Variants in ZSWIM4 observed in about 807,000 individuals in gnomAD.
ZSWIM4 encodes the protein zinc finger SWIM-type containing 4, also known as zinc finger SWIM domain-containing protein 4.
In ZSWIM4, 62 loss-of-function variants were observed where a neutral mutation model predicts 102.5. The observed-to-expected ratio is 0.60, with a 90% CI of 0.49 to 0.75. The LOEUF (loss-of-function observed/expected upper bound fraction) is 0.75. Among genes scored for constraint, ZSWIM4 ranks in the 30% least tolerant of loss-of-function variants. ZSWIM4 has a pLI of 0.00. For missense variants in ZSWIM4, 1,280 were observed against 1,529.6 expected (o/e 0.84, Z 2.72); for synonymous variants, 652 against 674.5 (o/e 0.97, Z 0.52).
At position 13,814,482 on chromosome 19, in the gene ZSWIM4, C is replaced by G. The variant is rs752553964; in HGVS notation, c.1181-33C>G. The G allele has an allele frequency of 4.5e-6, 5 of 1,117,128 alleles. 1 individual carries two copies. In the South Asian group the frequency reaches 7.3e-5, roughly 16 times the overall value. The allele number at this position is 1,117,128 out of a possible 1,614,324, so 69.2% of individuals were successfully genotyped here. A position where few individuals can be genotyped will look rare whatever the true frequency, so the allele number is the denominator to read the frequency against. ...CGGCTCAACTGCTATAGGGACCCCCCCTCACTGAGCCATGTTGGGTGCCTC... is the reference window on the plus strand; with the variant it reads ...CGGCTCAACTGCTATAGGGACCCCCGCTCACTGAGCCATGTTGGGTGCCTC... On this transcript the variant is annotated intron_variant, in intron 6 of 13. Transcript: ENST00000590508.
chr19:13,800,361 G>C (rs1399692575), intron 2 of ZSWIM4, among the ~76,000 whole-genome samples: 1 of 138,180 alleles, frequency 7.2e-6, no homozygotes, highest in African/African-American at 2.8e-5. Context: ...CGCCTCCCGG[G>C]TTCACGCCAT....
In ZSWIM4 at chr19:13,831,221, T is replaced by A; in HGVS notation, c.*171T>A. ...TGCCACGTGTGTGCCTGGGAGTCTGTGAGCAAGTGTGCAAGACTCCAGAAG... is the reference window on the plus strand; with the variant it reads ...TGCCACGTGTGTGCCTGGGAGTCTGAGAGCAAGTGTGCAAGACTCCAGAAG... On this transcript the variant is annotated 3_prime_UTR_variant, in exon 14 of 14. Transcript: ENST00000590508. 2.4e-6 allele frequency: 2 copies of A among 823,424 alleles called. No individual in the cohort carries two copies. The highest frequency in any genetic ancestry group is 1.7e-5 in the African/African-American group (1 of 57,804). The allele number at this position is 823,424 out of a possible 1,614,324, so 51.0% of individuals were successfully genotyped here.
chr19:13,796,253 G>T (rs921216010), intron 1 of ZSWIM4, among the ~76,000 whole-genome samples: 2 of 138,794 alleles, frequency 1.4e-5, no homozygotes, highest in Non-Finnish European at 3.0e-5. Flanking sequence ...ATCTTTATTC[G>T]CCAATCAGGG....
chr19:13,822,139 A>G (rs192593633), intron 10 of ZSWIM4, among the ~76,000 whole-genome samples: 117 of 144,778 alleles, frequency 8.1e-4, no homozygotes, highest in African/African-American at 2.8e-3. Context: ...CCATCTCTTT[A>G]AAACACACAA....
At position 13,795,810 on chromosome 19, in the gene ZSWIM4, G is replaced by A; in HGVS notation, c.153+9G>A. 8.0e-7 allele frequency: 1 copy of A among 1,245,032 alleles called. No individual in the cohort carries two copies. Among genetic ancestry groups the A allele is most frequent in the African/African-American group, 1.5e-5 (1 of 65,182 alleles). The allele number at this position is 1,245,032 out of a possible 1,614,324, so 77.1% of individuals were successfully genotyped here. ...GCTGGGCCTTCGAGCAGGTGACCGC[G>A]GGGGAAGGGGGCGGGGGCAGGGACG... On this transcript the variant is annotated intron_variant, in intron 1 of 13. Transcript: ENST00000590508.
In ZSWIM4 at chr19:13,822,967, G is replaced by A. The variant is rs1164102636; in HGVS notation, c.2061-379G>A. ...GCACGCCAGCCTGGGCAAAAAGAGT[G>A]AAACTCCGTCTCAAAAAAAAAAAAA... is the stretch of plus-strand genomic sequence containing the variant. On this transcript the variant is annotated intron_variant, in intron 10 of 13. Coordinates refer to ENST00000590508, the MANE Select transcript of ZSWIM4 (RefSeq NM_001367834.3). Among the ~76,000 whole-genome samples the A allele has an allele frequency of 1.2e-4, 18 of 148,190 alleles. No individual in the cohort carries two copies. The East Asian group carries it at 3.0e-3, about 24-fold the overall frequency.
chr19:13,812,922 C>T, intron 5 of ZSWIM4, 75 bp from the exon 6 acceptor site: 12 of 1,473,312 alleles, frequency 8.1e-6, no homozygotes, highest in Non-Finnish European at 1.1e-5. Context: ...TCAGGTGGCA[C>T]ACAGTGGGCA....
At position 13,830,964 on chromosome 19, in the gene ZSWIM4, C is replaced by A. The variant is rs768596568; in HGVS notation, c.3235C>A (p.Gln1079Lys). 6.2e-7 allele frequency: 1 copy of A among 1,614,050 alleles called. No individual in the cohort carries two copies. Among genetic ancestry groups the A allele is most frequent in the Admixed American group, 1.7e-5 (1 of 59,968 alleles). Reference sequence around the variant, plus strand: ...CCTGCTGGCGCCCGACGGGCACCTCCAGTTCTCACAGTTCTTGGAGAACCT... The same window carrying A: ...CCTGCTGGCGCCCGACGGGCACCTCAAGTTCTCACAGTTCTTGGAGAACCT... Reference protein sequence around the residue: ...TFLLAPDGHLQFSQFLENLKQ... With the variant: ...TFLLAPDGHLKFSQFLENLKQ... Residue 1079 changes from glutamine to lysine, a missense_variant, in exon 14 of 14, where the codon CAG becomes AAG. Transcript: ENST00000590508.
rs1975586065 is a variant in ZSWIM4 at position 13,825,628 on chromosome 19, C to G, written c.2294C>G (p.Ala765Gly). Residue 765 changes from alanine (A) to glycine (G), a missense_variant, in exon 12 of 14, where the codon GCG (alanine) becomes GGG (glycine). Physicochemically the swap from Ala to Gly is moderately conservative, Grantham distance 60. Transcript: ENST00000590508. The surrounding 1 kb of genome is among the most constrained non-coding windows in gnomAD (Gnocchi z 4.6). The stretch of plus-strand genomic sequence containing the variant: ...TCTCCGGCCCTGCTCTTTAAGCTGG[C>G]GCAGGACGCCTGCAAGACAGCCACC... ...IHSPALLFKLAQDACKTATPV... is the reference protein window; with the variant it reads ...IHSPALLFKLGQDACKTATPV... The G allele has an allele frequency of 6.2e-7, 1 of 1,613,974 alleles. No homozygotes were observed. Among genetic ancestry groups the G allele is most frequent in the Non-Finnish European group, 8.5e-7 (1 of 1,180,042 alleles).
intron 7 of ZSWIM4, chr19:13,815,107 A>G: frequency 5.5e-6 from 1 of 182,908 alleles, no homozygotes; most frequent in South Asian, 9.2e-5. Flanking sequence ...GGCTGCAGTG[A>G]GCTATAATTA....
At chr19:13,812,378 C>T (rs1975122284) in intron 5 of ZSWIM4, among the ~76,000 whole-genome samples, 1 of 151,432 alleles carries the variant, frequency 6.6e-6, no homozygotes, top group African/African-American at 2.4e-5. Context: ...ACTGCAACCT[C>T]TGCCTCCTGG....
chr19:13,800,065 ATTTTT>A (rs71170569), intron 2 of ZSWIM4, 144 bp downstream of exon 2: 99 of 384,830 alleles, frequency 2.6e-4, no homozygotes, highest in Middle Eastern at 1.4e-3. Flanking sequence ...ATTGTACAAG[ATTTTT>A]TTTTTTTTTT....
In ZSWIM4 at chr19:13,809,253, C is replaced by T. The variant is rs373235520; in HGVS notation, c.1012+33C>T. ...CCAAACCCCGGTGCGTGGTGGACAC[C>T]GGGACTTCGGCTCCCATGGGGGCTG... On this transcript the variant is annotated intron_variant, in intron 5 of 13. Transcript: ENST00000590508. The surrounding 1 kb of genome is among the most constrained non-coding windows in gnomAD (Gnocchi z 4.2). 1.3e-5 allele frequency: 20 copies of T among 1,564,212 alleles called. No homozygotes were observed. The African/African-American group carries it at 1.6e-4, about 13-fold the overall frequency.
Position 13,817,154 on chromosome 19 carries a change from T to C in ZSWIM4, c.1532-62T>C, listed in dbSNP as rs904794247. ...GGCTGGCAGGTCAAGAAGAGGAATA[T>C]CCCTCCCTCCTAGAGACTTGGGCAG... On this transcript the variant is annotated intron_variant, in intron 7 of 13. Coordinates refer to ENST00000590508, the MANE Select transcript of ZSWIM4 (RefSeq NM_001367834.3). 70 of 1,541,492 alleles carry C rather than the reference T, an allele frequency of 4.5e-5. 1 individual carries two copies. The African/African-American group carries it at 8.9e-4, about 20-fold the overall frequency.
chr19:13,814,734 C>T lies in ZSWIM4; in HGVS notation c.1400C>T (p.Ala467Val), dbSNP rs1975218608. 7.8e-6 allele frequency: 10 copies of T among 1,289,014 alleles called. No individual in the cohort carries two copies. The highest frequency in any genetic ancestry group is 1.0e-5 in the Non-Finnish European group (10 of 988,230). The allele number at this position is 1,289,014 out of a possible 1,614,324, so 79.8% of individuals were successfully genotyped here. The change falls in exon 7 of 14, where the codon GCC (alanine) becomes GTC (valine). Residue 467 changes from alanine to valine, a missense_variant. Physicochemically the swap from Ala to Val is moderately conservative, Grantham distance 64 (BLOSUM62 0). Transcript: ENST00000590508. The part of the protein sequence containing the change: ...PLWLGEPFPT[A>V]CARVDTLRAH... ...TGGCTGGGAGAACCTTTCCCCACTGCCTGTGCCCGTGTGGACACCCTGCGT... is the reference window on the plus strand; with the variant it reads ...TGGCTGGGAGAACCTTTCCCCACTGTCTGTGCCCGTGTGGACACCCTGCGT...
At position 13,825,273 on chromosome 19, in the gene ZSWIM4, C is replaced by T. The variant is rs1975575285; in HGVS notation, c.2216-277C>T. 6.6e-6 allele frequency among the ~76,000 whole-genome samples: 1 copy of T among 152,066 alleles called. No homozygotes were observed. The highest frequency in any genetic ancestry group is 2.1e-4 in the South Asian group (1 of 4,834). ...CAAACTCTTGACCTCGTGATCCACCCACCTCAGCCTCCCAAAGTGCTGGGA... is the reference window on the plus strand; with the variant it reads ...CAAACTCTTGACCTCGTGATCCACCTACCTCAGCCTCCCAAAGTGCTGGGA... On this transcript the variant is annotated intron_variant, in intron 11 of 13. Transcript: ENST00000590508. The surrounding 1 kb of genome is among the most constrained non-coding windows in gnomAD (Gnocchi z 4.6).
In ZSWIM4 at chr19:13,830,326, A is replaced by T. The variant is rs1975724086; in HGVS notation, c.2597A>T (p.Glu866Val). 1.2e-6 allele frequency: 2 copies of T among 1,613,516 alleles called. No individual in the cohort carries two copies. The highest frequency in any genetic ancestry group is 1.7e-6 in the Non-Finnish European group (2 of 1,180,004). The change falls in exon 14 of 14, where the codon GAG (glutamate) becomes GTG (valine). Residue 866 changes from glutamate to valine, a missense_variant. Glu to Val is a moderately radical substitution (Grantham distance 121). Coordinates refer to ENST00000590508, the MANE Select transcript of ZSWIM4 (RefSeq NM_001367834.3). ...LRLQLDTSRR[E>V]ELWACARTLA... ...CTGCAGCTGGACACATCGCGGAGGG[A>T]GGAGCTCTGGGCCTGCGCCCGCACC...
intron 10 of ZSWIM4, among the ~76,000 whole-genome samples, chr19:13,822,689 A>G (rs1975498157): frequency 6.6e-6 from 1 of 152,104 alleles, no homozygotes; most frequent in Admixed American, 6.6e-5. Flanking sequence ...CTAAAAATAC[A>G]AAAATTAGGG....
intron 5 of ZSWIM4, among the ~76,000 whole-genome samples, chr19:13,811,481 G>A (rs977042232): frequency 6.6e-6 from 1 of 151,702 alleles, no homozygotes; most frequent in African/African-American, 2.4e-5. Context: ...AGTGAGCCAT[G>A]ATCACACCAC....
Sources: gnomAD v4.1 joint callset for allele counts (sites outside exome capture counted in the v4.1 genomes callset) on GRCh38, gnomAD v4.1.1 for gene constraint, Gnocchi (gnomAD v3.1) non-coding constraint, MANE v1.5 for transcripts, NCBI Gene and HGNC (gene_info 2026-07-23, HGNC 2026-07-21) for gene names.